AFF3: variants seen among roughly 807,000 people sequenced by gnomAD.
The protein encoded by AFF3 is AF4/FMR2 family member 3.
AFF3 carries 32 observed loss-of-function variants against 129.7 expected under a neutral mutation model. That is an observed-to-expected ratio of 0.25 (90% CI 0.19 to 0.33). The LOEUF is 0.33. Ranked by LOEUF, AFF3 falls within the 10% of genes least tolerant of loss-of-function variation. The pLI is 1.00. For missense variants in AFF3, 1,373 were observed against 1,592.0 expected (o/e 0.86, Z 2.34); for synonymous variants, 644 against 635.4 (o/e 1.01, Z -0.20).
intron 7 of AFF3, among the ~76,000 whole-genome samples, chr2:99,955,286 C>G (rs895175623): frequency 6.6e-6 from 1 of 152,014 alleles, no homozygotes; most frequent in Non-Finnish European, 1.5e-5. Context: ...TAAAAGGAAA[C>G]TGATGGATAA....
intron 8 of AFF3, among the ~76,000 whole-genome samples, chr2:99,753,708 C>T (rs576870050): frequency 3.2e-4 from 49 of 152,214 alleles, no homozygotes; most frequent in African/African-American, 1.1e-3. Flanking sequence ...ATTTACTGAC[C>T]CCATATCATC....
chr2:99,756,598 G>C (rs771024055), intron 8 of AFF3, among the ~76,000 whole-genome samples: 1 of 152,096 alleles, frequency 6.6e-6, no homozygotes, highest in Non-Finnish European at 1.5e-5. Context: ...ACTGGTATTG[G>C]TTTAACATCA....
At chr2:99,826,320 T>G (rs988412300) in intron 8 of AFF3, among the ~76,000 whole-genome samples, 1 of 152,200 alleles carries the variant, frequency 6.6e-6, no homozygotes, top group East Asian at 1.9e-4. Flanking sequence ...GGCCATTTAT[T>G]CACTTTTTAT....
intron 4 of AFF3, among the ~76,000 whole-genome samples, chr2:100,035,658 C>A (rs1234232545): frequency 6.6e-6 from 1 of 152,158 alleles, no homozygotes; most frequent in Non-Finnish European, 1.5e-5. Flanking sequence ...ACCTTCTTTT[C>A]ATCTATATAT....
At chr2:100,009,821 G>A (rs760527466) in intron 4 of AFF3, among the ~76,000 whole-genome samples, 5 of 152,146 alleles carry the variant, frequency 3.3e-5, no homozygotes, top group Non-Finnish European at 7.3e-5. Context: ...CTGGCTCCCT[G>A]GATAAAGAAA....
At chr2:100,001,047 G>C (rs141452324) in intron 7 of AFF3, among the ~76,000 whole-genome samples, 1 of 152,310 alleles carries the variant, frequency 6.6e-6, no homozygotes, top group African/African-American at 2.4e-5. Flanking sequence ...GCAGCCCCAG[G>C]TGCGGAGCTC....
In AFF3 at chr2:99,548,059, CAT is replaced by C. The variant is rs1374088547; in HGVS notation, c.*3413_*3414del. 2 of 208,822 alleles carry C rather than the reference CAT, an allele frequency of 9.6e-6. No individual in the cohort carries two copies. The highest frequency in any genetic ancestry group is 3.8e-4 in the South Asian group (2 of 5,328). The allele number at this position is 208,822 out of a possible 1,614,324, so 12.9% of individuals were successfully genotyped here. ...CTCTCTCTCCAGGCACGATTCTGCA[CAT>C]GAGTCTGATCTGTGTAGAGTAGTAT... On this transcript the variant is annotated 3_prime_UTR_variant, in exon 25 of 25. Transcript: ENST00000672756.
rs576775911 is a variant in AFF3, at chr2:99,816,358, C to G, written c.921+21119G>C. ...TCAAATCTAATTCTACTTCTGATGA[C>G]TGCTTTATCCCTTCAGACTGTTATT... On this transcript the variant is annotated intron_variant, in intron 8 of 24. Coordinates refer to ENST00000672756, the MANE Select transcript of AFF3 (RefSeq NM_001386135.1). Among the ~76,000 whole-genome samples the G allele has an allele frequency of 3.3e-5, 5 of 152,340 alleles. No individual in the cohort carries two copies. The South Asian group carries it at 8.3e-4, about 25-fold the overall frequency.
At chr2:99,893,339 G>A (rs1458108506) in intron 7 of AFF3, among the ~76,000 whole-genome samples, 3 of 152,200 alleles carry the variant, frequency 2.0e-5, no homozygotes, top group Non-Finnish European at 4.4e-5. Context: ...GACTGACTAG[G>A]AGCCTGACAG....
chr2:100,042,350 A>G (rs1478924375), intron 4 of AFF3, among the ~76,000 whole-genome samples: 2 of 152,226 alleles, frequency 1.3e-5, no homozygotes, highest in Non-Finnish European at 2.9e-5. Context: ...CTAGAGCATA[A>G]GTATATTCCA....
intron 8 of AFF3, among the ~76,000 whole-genome samples, chr2:99,777,073 C>T (rs1232470054): frequency 6.6e-6 from 1 of 152,196 alleles, no homozygotes; most frequent in African/African-American, 2.4e-5. Context: ...GTGGCAAATT[C>T]CAAATGAGGG....
intron 8 of AFF3, among the ~76,000 whole-genome samples, chr2:99,822,504 G>A (rs1252839036): frequency 6.6e-6 from 1 of 152,056 alleles, no homozygotes; most frequent in Non-Finnish European, 1.5e-5. Flanking sequence ...CTTTGCTTTT[G>A]ATGTGGCACA....
At chr2:99,951,342 A>G (rs1220319956) in intron 7 of AFF3, among the ~76,000 whole-genome samples, 1 of 152,128 alleles carries the variant, frequency 6.6e-6, no homozygotes, top group Non-Finnish European at 1.5e-5. Flanking sequence ...CTCTTTAATT[A>G]CTAACTTGCC....
At chr2:99,644,819 A>G (rs933532730) in intron 13 of AFF3, among the ~76,000 whole-genome samples, 8 of 152,192 alleles carry the variant, frequency 5.3e-5, no homozygotes, top group African/African-American at 1.4e-4. Context: ...TATTTTCCAC[A>G]TTGGCGGTGA....
At chr2:100,020,352 T>C (rs554372495) in intron 4 of AFF3, among the ~76,000 whole-genome samples, 1 of 151,984 alleles carries the variant, frequency 6.6e-6, no homozygotes, top group Non-Finnish European at 1.5e-5. Context: ...CCTGGTCTCT[T>C]CTCAAGTGAC....
chr2:99,688,964 C>T (rs2104633528), intron 11 of AFF3, among the ~76,000 whole-genome samples: 1 of 152,256 alleles, frequency 6.6e-6, no homozygotes, highest in South Asian at 2.1e-4. Context: ...GAACCTATTA[C>T]CTCCCCACCT....
chr2:100,061,859 G>GGT (rs1553515740), intron 4 of AFF3, among the ~76,000 whole-genome samples: 2 of 128,454 alleles, frequency 1.6e-5, no homozygotes, highest in Non-Finnish European at 3.3e-5. Flanking sequence ...CACAGTGGAG[G>GGT]GGGGGGGGGT....
At chr2:99,586,442 C>T (rs1336102262) in intron 16 of AFF3, among the ~76,000 whole-genome samples, 6 of 152,112 alleles carry the variant, frequency 3.9e-5, no homozygotes, top group Admixed American at 1.3e-4. Flanking sequence ...TGTGTTGTGC[C>T]GAGACATTCA....
intron 10 of AFF3, 134 bp downstream of exon 10, chr2:99,743,970 G>A: frequency 1.5e-6 from 1 of 669,684 alleles, no homozygotes; most frequent in Non-Finnish European, 2.4e-6. Context: ...TTGAACAAAT[G>A]GCCCCTTTCC....
Sources: gnomAD v4.1 joint callset for allele counts (sites outside exome capture counted in the v4.1 genomes callset) on GRCh38, gnomAD v4.1.1 for gene constraint, MANE v1.5 for transcripts, NCBI Gene and HGNC (gene_info 2026-07-23, HGNC 2026-07-21) for gene names.